Variants in ANO10 observed in about 807,000 individuals in gnomAD.
The protein encoded by ANO10 is anoctamin 10, also known as anoctamin-10.
A neutral mutation model predicts 74.7 loss-of-function variants in ANO10; 77 were observed. That is an observed-to-expected ratio of 1.03 (90% CI 0.86 to 1.25). The LOEUF (loss-of-function observed/expected upper bound fraction) is 1.25, where lower values mean the gene tolerates loss of function less well. ANO10 is among the 50% of genes most tolerant of loss of function. ANO10 has a pLI of 0.00. For synonymous variants in ANO10, 279 were observed against 284.9 expected (o/e 0.98, Z 0.21); for missense variants, 721 against 778.1 (o/e 0.93, Z 0.87).
chr3:43,405,462 G>C (rs1039416984), intron 12 of ANO10, among the ~76,000 whole-genome samples: 1 of 152,166 alleles, frequency 6.6e-6, no homozygotes, highest in African/African-American at 2.4e-5. Flanking sequence ...ATGAGAAACT[G>C]GCAAATTATT....
chr3:43,552,943 ACAACCACACCCAGC>A (rs2079554815), intron 10 of ANO10, among the ~76,000 whole-genome samples: 1 of 151,810 alleles, frequency 6.6e-6, no homozygotes, highest in Non-Finnish European at 1.5e-5. Flanking sequence ...ATGGGCACCC[ACAACCACACCCAGC>A]TAATTTTTGT....
At chr3:43,673,721 T>C (rs1376950170) in intron 1 of ANO10, among the ~76,000 whole-genome samples, 3 of 152,192 alleles carry the variant, frequency 2.0e-5, no homozygotes, top group African/African-American at 4.8e-5. Context: ...ATGGCTCTTC[T>C]ATTGTATTAA....
At chr3:43,415,549 T>C (rs11709193) in intron 12 of ANO10, among the ~76,000 whole-genome samples, 1,617 of 152,114 alleles carry the variant, frequency 0.011, 14 homozygotes, top group Non-Finnish European at 0.017. Context: ...TTCTTTCTTT[T>C]TTTTTTGAGA....
chr3:43,445,782 C>T (rs2148980026), intron 11 of ANO10, among the ~76,000 whole-genome samples: 1 of 152,252 alleles, frequency 6.6e-6, no homozygotes, highest in South Asian at 2.1e-4. Context: ...TCACTACAAC[C>T]TCTGCTTGCC....
At chr3:43,474,355 G>A (rs1011252439) in intron 11 of ANO10, among the ~76,000 whole-genome samples, 1 of 152,008 alleles carries the variant, frequency 6.6e-6, no homozygotes, top group African/African-American at 2.4e-5. Context: ...AAACATTGCA[G>A]AGCTCAAAGC....
intron 12 of ANO10, among the ~76,000 whole-genome samples, chr3:43,393,021 G>A (rs1381036435): frequency 6.6e-6 from 1 of 152,182 alleles, no homozygotes; most frequent in East Asian, 1.9e-4. Context: ...AGGCACAGAT[G>A]GCCACAGGCT....
chr3:43,684,832 CA>C (rs1039605521), intron 1 of ANO10, among the ~76,000 whole-genome samples: 1 of 151,840 alleles, frequency 6.6e-6, no homozygotes, highest in Non-Finnish European at 1.5e-5. Context: ...ATTGCAAGGA[CA>C]AAAAACCAAA....
In ANO10 at chr3:43,577,631, G is replaced by T. The variant is rs1033563103; in HGVS notation, c.593-370C>A. 6.6e-5 allele frequency among the ~76,000 whole-genome samples: 10 copies of T among 152,150 alleles called. No homozygotes were observed. In the East Asian group the frequency reaches 1.5e-3, roughly 23 times the overall value. The stretch of plus-strand genomic sequence containing the variant: ...ATGTCCACTGAACATTAATTTGGGG[G>T]TTTAATTTATGCTCCCCACTTTTCT... On this transcript the variant is annotated intron_variant, in intron 5 of 12. Coordinates refer to ENST00000292246, the MANE Select transcript of ANO10 (RefSeq NM_018075.5).
chr3:43,546,444 A>G (rs1034112914), intron 11 of ANO10, among the ~76,000 whole-genome samples: 1 of 152,260 alleles, frequency 6.6e-6, no homozygotes, highest in Non-Finnish European at 1.5e-5. Flanking sequence ...AATAAACTGT[A>G]TACACAGTCA....
intron 1 of ANO10, among the ~76,000 whole-genome samples, chr3:43,652,318 A>G (rs902614645): frequency 2.0e-5 from 3 of 152,214 alleles, no homozygotes; most frequent in African/African-American, 4.8e-5. Context: ...TAATACATCA[A>G]TGGGATAGAA....
At chr3:43,656,805 C>G (rs867078543) in intron 1 of ANO10, among the ~76,000 whole-genome samples, 6 of 152,250 alleles carry the variant, frequency 3.9e-5, no homozygotes, top group African/African-American at 1.2e-4. Context: ...GCTCGCGCCT[C>G]TCCCTCCACA....
At chr3:43,619,039 C>T (rs1048233170) in intron 1 of ANO10, among the ~76,000 whole-genome samples, 1 of 152,172 alleles carries the variant, frequency 6.6e-6, no homozygotes, top group South Asian at 2.1e-4. Context: ...CTCCTGACCT[C>T]GTGATCCGCC....
chr3:43,667,260 T>A (rs2084004116), intron 1 of ANO10, among the ~76,000 whole-genome samples: 1 of 151,814 alleles, frequency 6.6e-6, no homozygotes, highest in Non-Finnish European at 1.5e-5. Flanking sequence ...CCAGCTAATT[T>A]TTGCATTTTT....
intron 11 of ANO10, among the ~76,000 whole-genome samples, chr3:43,512,887 C>A (rs1017831959): frequency 6.6e-6 from 1 of 152,086 alleles, no homozygotes; most frequent in African/African-American, 2.4e-5. Flanking sequence ...GCAGGGTGAG[C>A]CTACAGCTGC....
chr3:43,665,085 C>T (rs996404495), intron 1 of ANO10, among the ~76,000 whole-genome samples: 1 of 152,102 alleles, frequency 6.6e-6, no homozygotes, highest in Non-Finnish European at 1.5e-5. Flanking sequence ...TGTATGTTTA[C>T]TGTGGCACTA....
At chr3:43,566,695 T>A (rs899892276) in intron 7 of ANO10, among the ~76,000 whole-genome samples, 1 of 152,074 alleles carries the variant, frequency 6.6e-6, no homozygotes, top group African/African-American at 2.4e-5. Context: ...TACATCACCA[T>A]CATCAAAGAC....
intron 1 of ANO10, among the ~76,000 whole-genome samples, chr3:43,615,480 T>C (rs921581171): frequency 1.3e-5 from 2 of 152,132 alleles, no homozygotes; most frequent in African/African-American, 2.4e-5. Context: ...TTTTATTTTA[T>C]TATTTACTTT....
intron 7 of ANO10, among the ~76,000 whole-genome samples, chr3:43,574,395 C>G (rs887370934): frequency 2.6e-5 from 4 of 151,988 alleles, no homozygotes; most frequent in African/African-American, 9.7e-5. Context: ...CTCAGCTTCC[C>G]AAGTAGCTGG....
intron 12 of ANO10, among the ~76,000 whole-genome samples, chr3:43,387,680 G>C (rs1288162425): frequency 6.6e-6 from 1 of 152,190 alleles, no homozygotes; most frequent in Non-Finnish European, 1.5e-5. Context: ...AGCCATTTCA[G>C]GATCAACAGA....
Sources: allele counts gnomAD v4.1 joint callset (sites outside exome capture counted in the v4.1 genomes callset), GRCh38; gene constraint gnomAD v4.1.1; transcripts MANE v1.5; gene names NCBI Gene and HGNC (gene_info 2026-07-23, HGNC 2026-07-21).